The following UTRN variants were observed in gnomAD, a reference collection of about 807,000 sequenced individuals.
UTRN encodes the protein utrophin, also known as dystrophin-related protein 1.
UTRN carries 283 observed loss-of-function variants against 463.9 expected under a neutral mutation model. That is an observed-to-expected ratio of 0.61 (90% CI 0.55 to 0.67). The LOEUF is 0.67. Among genes scored for constraint, UTRN ranks in the 30% least tolerant of loss-of-function variants. The pLI, the probability that UTRN is intolerant of heterozygous loss-of-function variation, is 0.00. For missense variants in UTRN, 3,922 were observed against 4,084.3 expected (o/e 0.96, Z 1.08); for synonymous variants, 1,442 against 1,431.5 (o/e 1.01, Z -0.17).
intron 3 of UTRN, among the ~76,000 whole-genome samples, chr6:144,404,148 TTCAC>T (rs1177894688): frequency 6.6e-6 from 1 of 152,206 alleles, no homozygotes; most frequent in African/African-American, 2.4e-5. Context: ...GTTATTTGAT[TTCAC>T]TGCTTTTTGG....
chr6:144,682,096 T>C (rs1256988365), intron 52 of UTRN, among the ~76,000 whole-genome samples: 1 of 152,166 alleles, frequency 6.6e-6, no homozygotes, highest in African/African-American at 2.4e-5. Flanking sequence ...TCTTTCTAAC[T>C]GTTTTATACC....
At chr6:144,795,789 A>C (rs1777159939) in intron 63 of UTRN, among the ~76,000 whole-genome samples, 1 of 152,132 alleles carries the variant, frequency 6.6e-6, no homozygotes, top group Non-Finnish European at 1.5e-5. Context: ...TCAGATGGAT[A>C]GATTGCAAAA....
chr6:144,504,719 CT>C (rs1459291441), intron 34 of UTRN, among the ~76,000 whole-genome samples: 1 of 151,874 alleles, frequency 6.6e-6, no homozygotes, highest in East Asian at 1.9e-4. Flanking sequence ...CTGAAATTTT[CT>C]TTTTTTTGTT....
intron 6 of UTRN, 66 bp downstream of exon 6, chr6:144,424,144 A>G: frequency 6.5e-7 from 1 of 1,546,816 alleles, no homozygotes; most frequent in African/African-American, 1.4e-5. Flanking sequence ...TTAGTTTCTT[A>G]AGGCTGCCGT....
intron 52 of UTRN, among the ~76,000 whole-genome samples, chr6:144,690,096 T>TTTTTGTGG (rs1562770764): frequency 4.2e-5 from 1 of 24,008 alleles, no homozygotes; most frequent in Non-Finnish European, 7.3e-5. Context: ...TTTTTTTTTT[T>TTTTTGTGG]GTGTGTGTGT....
Position 144,445,497 on chromosome 6 carries a change from T to G in UTRN, c.1614+1115T>G, listed in dbSNP as rs534833285. 2.0e-5 allele frequency among the ~76,000 whole-genome samples: 3 copies of G among 152,130 alleles called. No homozygotes were observed. In the East Asian group the frequency reaches 5.8e-4, roughly 30 times the overall value. On this transcript the variant is annotated intron_variant, in intron 14 of 74. Coordinates refer to ENST00000367545, the MANE Select transcript of UTRN (RefSeq NM_007124.3). Reference sequence around the variant, plus strand: ...ACTCAAGTGTGTGATGTTTTGTGGCTTACTAAATATGGTGGCAGATAGTTG... The same window carrying G: ...ACTCAAGTGTGTGATGTTTTGTGGCGTACTAAATATGGTGGCAGATAGTTG...
intron 51 of UTRN, among the ~76,000 whole-genome samples, chr6:144,620,220 A>T (rs1017846223): frequency 6.6e-6 from 1 of 152,208 alleles, no homozygotes; most frequent in African/African-American, 2.4e-5. Flanking sequence ...CAGTTTGCTT[A>T]AATCATTTTT....
chr6:144,721,753 A>T (rs1787196615), intron 53 of UTRN, among the ~76,000 whole-genome samples: 1 of 152,244 alleles, frequency 6.6e-6, no homozygotes, highest in Non-Finnish European at 1.5e-5. Flanking sequence ...CTTGTGAATG[A>T]GAACCAAGTG....
At position 144,771,950 on chromosome 6, in the gene UTRN, G is replaced by A. The variant is rs370977756; in HGVS notation, c.8539G>A (p.Glu2847Lys). 2.7e-5 allele frequency: 40 copies of A among 1,496,424 alleles called. No individual in the cohort carries two copies. The highest frequency in any genetic ancestry group is 2.9e-5 in the African/African-American group (2 of 68,666). The allele number at this position is 1,496,424 out of a possible 1,614,324, so 92.7% of individuals were successfully genotyped here. A position where few individuals can be genotyped will look rare whatever the true frequency, so the allele number is the denominator to read the frequency against. The change falls in exon 59 of 75, where the codon GAA becomes AAA. Residue 2847 changes from glutamate to lysine, a missense_variant. By Grantham distance (56) the Glu-to-Lys change is moderately conservative. This residue lies in a region of UTRN where 1,309 missense variants were observed against 1,452.6 expected (regional missense o/e 0.90). Transcript: ENST00000367545. ...CTGTTGGGACCATCCTAAAATGACC[G>A]AACTCTTTCAATCCCTTGGTAAGTG... ...TTCWDHPKMT[E>K]LFQSLADLNN...
chr6:144,333,617 T>C (rs1776494995), intron 2 of UTRN, among the ~76,000 whole-genome samples: 1 of 152,094 alleles, frequency 6.6e-6, no homozygotes, highest in Non-Finnish European at 1.5e-5. Context: ...CATTGGATCT[T>C]CTGCAGATGA....
At chr6:144,533,385 G>T in intron 43 of UTRN, 125 bp downstream of exon 43, 1 of 1,437,200 alleles carries the variant, frequency 7.0e-7, no homozygotes, top group East Asian at 2.5e-5. Flanking sequence ...TGACATTTAA[G>T]ACCTCCACTG....
intron 52 of UTRN, among the ~76,000 whole-genome samples, chr6:144,694,403 A>C (rs2128694283): frequency 6.6e-6 from 1 of 152,090 alleles, no homozygotes; most frequent in South Asian, 2.1e-4. Context: ...GCTGGCCTCA[A>C]ATAATGAGTT....
At chr6:144,768,241 T>C (rs2128731154) in intron 58 of UTRN, among the ~76,000 whole-genome samples, 1 of 133,006 alleles carries the variant, frequency 7.5e-6, no homozygotes, top group African/African-American at 3.4e-5. Context: ...ATCAGTGTTA[T>C]ATTGTTATGA....
intron 2 of UTRN, among the ~76,000 whole-genome samples, chr6:144,371,983 A>C (rs1255569249): frequency 6.6e-6 from 1 of 152,250 alleles, no homozygotes; most frequent in East Asian, 1.9e-4. Flanking sequence ...TTTCAACTAC[A>C]TAACTCAATA....
intron 6 of UTRN, among the ~76,000 whole-genome samples, chr6:144,425,909 C>G (rs1785253481): frequency 6.6e-6 from 1 of 152,112 alleles, no homozygotes; most frequent in Non-Finnish European, 1.5e-5. Context: ...AAAAGTTTTT[C>G]CTTTCTCATT....
At chr6:144,512,386 G>T (rs1245923620) in intron 35 of UTRN, among the ~76,000 whole-genome samples, 9 of 152,064 alleles carry the variant, frequency 5.9e-5, no homozygotes, top group Non-Finnish European at 1.3e-4. Flanking sequence ...CTGCTTAATA[G>T]GGGTAAACAA....
At chr6:144,767,707 A>G (rs1430818799) in intron 58 of UTRN, among the ~76,000 whole-genome samples, 2 of 152,200 alleles carry the variant, frequency 1.3e-5, no homozygotes, top group Non-Finnish European at 2.9e-5. Context: ...TGATTAATAT[A>G]CATCCTGACC....
rs556167338 is a variant in UTRN, at chr6:144,852,493, G to A, written c.*1496G>A. 5.9e-5 allele frequency: 9 copies of A among 152,642 alleles called. No homozygotes were observed. Among genetic ancestry groups the A allele is most frequent in the South Asian group, 2.1e-4 (1 of 4,824 alleles). The allele number at this position is 152,642 out of a possible 1,614,324, so 9.5% of individuals were successfully genotyped here. A position where few individuals can be genotyped will look rare whatever the true frequency, so the allele number is the denominator to read the frequency against. ...AAAGTTAGAAATTGCTATTATTTTA[G>A]AATAGGTTGGGTGGGTTGGGGGGCA... is the stretch of plus-strand genomic sequence containing the variant. On this transcript the variant is annotated 3_prime_UTR_variant, in exon 75 of 75. Transcript: ENST00000367545.
At chr6:144,347,850 G>T (rs59974537) in intron 2 of UTRN, among the ~76,000 whole-genome samples, 13,487 of 127,238 alleles carry the variant, frequency 0.11, 2,443 homozygotes, top group African/African-American at 0.4. Flanking sequence ...TTTTTTTTTT[G>T]TTTTTTTTTT....
Sources: allele counts gnomAD v4.1 joint callset (sites outside exome capture counted in the v4.1 genomes callset), GRCh38; gene constraint gnomAD v4.1.1; regional missense constraint gnomAD v4.1.1; transcripts MANE v1.5; gene names NCBI Gene and HGNC (gene_info 2026-07-23, HGNC 2026-07-21).